MYO1E: variants seen among roughly 807,000 people sequenced by gnomAD.
MYO1E encodes the protein myosin IE.
Under a neutral mutation model 151.1 loss-of-function variants are expected in MYO1E, and 68 were observed. The observed-to-expected ratio is 0.45, with a 90% CI of 0.37 to 0.55. MYO1E has a LOEUF of 0.55. Among genes scored for constraint, MYO1E ranks in the 20% least tolerant of loss-of-function variants. MYO1E has a pLI of 0.00. For missense variants in MYO1E, 1,363 were observed against 1,389.3 expected, an observed-to-expected ratio of 0.98 and a Z score of 0.30; for synonymous variants, 601 against 501.7, an observed-to-expected ratio of 1.20 and a Z score of -2.64.
At position 59,329,070 on chromosome 15, in the gene MYO1E, AG is replaced by A. The variant is rs140907458; in HGVS notation, c.3+43427del. On this transcript the variant is annotated intron_variant, in intron 1 of 27. Coordinates refer to ENST00000288235, the MANE Select transcript of MYO1E (RefSeq NM_004998.4). The stretch of plus-strand genomic sequence containing the variant: ...CGGAGGACTCAAAATGGGTAATGTA[AG>A]TAATAATGAGAATATTATTCATGAC... 4.1e-3 allele frequency among the ~76,000 whole-genome samples: 624 copies of A among 152,364 alleles called. 5 individuals carry two copies. The highest frequency in any genetic ancestry group is 0.012 in the African/African-American group (505 of 41,580).
rs1252882816 is a variant in MYO1E at position 59,173,743 on chromosome 15, T to C, written c.2334+3A>G. 1 of 1,614,146 alleles carries C rather than the reference T, an allele frequency of 6.2e-7. No individual in the cohort carries two copies. Among genetic ancestry groups the C allele is most frequent in the South Asian group, 1.1e-5 (1 of 91,082 alleles). ...ATCTCAGAGGCAGGCAGTTAGCACG[T>C]ACCTTGAACCTCCTGTCATACTTGG... On this transcript the variant is annotated splice_donor_region_variant and intron_variant, in intron 21 of 27. Coordinates refer to ENST00000288235, the MANE Select transcript of MYO1E (RefSeq NM_004998.4).
At chr15:59,153,558 C>T in intron 26 of MYO1E, 32 bp downstream of exon 26, 1 of 1,605,398 alleles carries the variant, frequency 6.2e-7, no homozygotes, top group Non-Finnish European at 8.5e-7. Flanking sequence ...ATGGAGCTTG[C>T]CGGCTTCATC....
At chr15:59,264,997 C>T (rs1344998784) in intron 2 of MYO1E, 2 of 152,248 alleles carry the variant, frequency 1.3e-5, no homozygotes, top group Non-Finnish European at 2.9e-5. Context: ...GCCTGGGCAA[C>T]AGAGCCAGAC....
intron 1 of MYO1E, among the ~76,000 whole-genome samples, chr15:59,353,426 C>T (rs1317758359): frequency 2.0e-5 from 3 of 147,534 alleles, no homozygotes; most frequent in Non-Finnish European, 3.0e-5. Flanking sequence ...ATTTACAACA[C>T]GAACCAGAAT....
intron 25 of MYO1E, 46 bp from the exon 26 acceptor site, chr15:59,153,837 C>A: frequency 1.3e-6 from 2 of 1,554,154 alleles, no homozygotes; most frequent in South Asian, 1.1e-5. Context: ...ATTTTTGGAT[C>A]CTTTGCCAAA....
At chr15:59,367,479 C>T (rs756035134) in intron 1 of MYO1E, among the ~76,000 whole-genome samples, 35 of 152,296 alleles carry the variant, frequency 2.3e-4, no homozygotes, top group Middle Eastern at 3.4e-3. Flanking sequence ...CAATTTGCAG[C>T]CTCACCACTC....
chr15:59,327,051 C>T (rs1192670181), intron 1 of MYO1E, among the ~76,000 whole-genome samples: 3 of 152,160 alleles, frequency 2.0e-5, no homozygotes, highest in Admixed American at 1.3e-4. Flanking sequence ...TGGGGCTTTT[C>T]GGGTGGGGTC....
intron 1 of MYO1E, among the ~76,000 whole-genome samples, chr15:59,361,869 C>G (rs1355570869): frequency 6.6e-6 from 1 of 151,918 alleles, no homozygotes; most frequent in Non-Finnish European, 1.5e-5. Context: ...TGGAGTCTGG[C>G]TGTATCGCCC....
chr15:59,153,760 C>A lies in MYO1E; in HGVS notation c.2910G>T (p.Gln970His). 1.2e-6 allele frequency: 2 copies of A among 1,614,050 alleles called. No individual in the cohort carries two copies. Among genetic ancestry groups the A allele is most frequent in the Non-Finnish European group, 1.7e-6 (2 of 1,179,944 alleles). ...CAGGAGCATGGGGATATGGCACATACTGGTTTCTGATGACTCCGTTCTGAT... is the reference window on the plus strand; with the variant it reads ...CAGGAGCATGGGGATATGGCACATAATGGTTTCTGATGACTCCGTTCTGAT... Reference protein sequence around the residue: ...GYHQNGVIRNQYVPYPHAPGS... With the variant: ...GYHQNGVIRNHYVPYPHAPGS... The change falls in exon 26 of 28, where the codon CAG becomes CAT. Residue 970 changes from glutamine to histidine, a missense_variant. Coordinates refer to ENST00000288235, the MANE Select transcript of MYO1E (RefSeq NM_004998.4).
intron 1 of MYO1E, among the ~76,000 whole-genome samples, chr15:59,357,937 T>C (rs1279639592): frequency 6.6e-6 from 1 of 151,982 alleles, no homozygotes; most frequent in African/African-American, 2.4e-5. Flanking sequence ...TATAGGTGAG[T>C]GTAGCCACAC....
chr15:59,347,687 T>C (rs1321311515), intron 1 of MYO1E, among the ~76,000 whole-genome samples: 3 of 152,058 alleles, frequency 2.0e-5, no homozygotes, highest in African/African-American at 7.2e-5. Flanking sequence ...ATGATAGATA[T>C]GAATTTAACA....
At chr15:59,351,992 A>G (rs2080826043) in intron 1 of MYO1E, among the ~76,000 whole-genome samples, 1 of 151,870 alleles carries the variant, frequency 6.6e-6, no homozygotes, top group Non-Finnish European at 1.5e-5. Flanking sequence ...ATCTGTTCTC[A>G]CCCTCTTTAG....
At chr15:59,224,083 G>C (rs554748327) in intron 8 of MYO1E, among the ~76,000 whole-genome samples, 1 of 152,184 alleles carries the variant, frequency 6.6e-6, no homozygotes, top group African/African-American at 2.4e-5. Flanking sequence ...GGCAATGAAG[G>C]CCTTTGAGGC....
intron 1 of MYO1E, among the ~76,000 whole-genome samples, chr15:59,299,956 T>C (rs1467932792): frequency 1.3e-5 from 2 of 152,220 alleles, no homozygotes; most frequent in Non-Finnish European, 2.9e-5. Context: ...GTGAGGTATG[T>C]GATACCATCT....
At chr15:59,250,045 G>T (rs1184025295) in intron 4 of MYO1E, among the ~76,000 whole-genome samples, 3 of 152,056 alleles carry the variant, frequency 2.0e-5, no homozygotes, top group African/African-American at 7.2e-5. Flanking sequence ...CATGCCAGAG[G>T]TTTCCAATTT....
At chr15:59,360,942 T>G (rs1221908302) in intron 1 of MYO1E, among the ~76,000 whole-genome samples, 4 of 152,162 alleles carry the variant, frequency 2.6e-5, no homozygotes. Flanking sequence ...ACTCTGGACT[T>G]GACAGTGTGA....
intron 18 of MYO1E, among the ~76,000 whole-genome samples, chr15:59,186,438 A>C (rs1350605147): frequency 6.6e-6 from 1 of 152,078 alleles, no homozygotes; most frequent in Non-Finnish European, 1.5e-5. Context: ...GCCCCTGCAT[A>C]ATATATCAGG....
chr15:59,184,563 G>A (rs768595747), intron 18 of MYO1E, among the ~76,000 whole-genome samples: 4 of 151,910 alleles, frequency 2.6e-5, no homozygotes, highest in African/African-American at 4.8e-5. Context: ...GTTTCACCAC[G>A]TTGGCCAGGC....
At chr15:59,306,100 C>T (rs896811217) in intron 1 of MYO1E, among the ~76,000 whole-genome samples, 20 of 152,240 alleles carry the variant, frequency 1.3e-4, no homozygotes, top group African/African-American at 4.1e-4. Flanking sequence ...TATTTAAATG[C>T]GATAAAATTA....
Sources: gnomAD v4.1 joint callset for allele counts (sites outside exome capture counted in the v4.1 genomes callset) on GRCh38, gnomAD v4.1.1 for gene constraint, MANE v1.5 for transcripts, NCBI Gene and HGNC (gene_info 2026-07-23, HGNC 2026-07-21) for gene names.